DNMBP: variants seen among roughly 807,000 people sequenced by gnomAD.
DNMBP encodes dynamin binding protein.
Under a neutral mutation model 150.0 loss-of-function variants are expected in DNMBP, and 87 were observed. That is an observed-to-expected ratio of 0.58 (90% confidence interval 0.49 to 0.69). The LOEUF is 0.69. Ranked by LOEUF, DNMBP falls within the 30% of genes least tolerant of loss-of-function variation. DNMBP has a pLI of 0.00. For missense variants in DNMBP, 1,774 were observed against 1,949.0 expected (o/e 0.91, Z 1.69); for synonymous variants, 711 against 750.4 (o/e 0.95, Z 0.86).
chr10:99,975,715 T>G (rs2040720990), intron 1 of DNMBP, among the ~76,000 whole-genome samples: 1 of 152,248 alleles, frequency 6.6e-6, no homozygotes, highest in Non-Finnish European at 1.5e-5. Flanking sequence ...ACTAGGCTTC[T>G]GTAGTCAGAG....
At chr10:99,939,276 G>C (rs954303575) in intron 4 of DNMBP, among the ~76,000 whole-genome samples, 3 of 152,158 alleles carry the variant, frequency 2.0e-5, no homozygotes, top group Non-Finnish European at 4.4e-5. Flanking sequence ...CTATTTTCCA[G>C]AGAACCTTGC....
chr10:100,004,557 T>A (rs1325632203), intron 1 of DNMBP, among the ~76,000 whole-genome samples: 3 of 152,138 alleles, frequency 2.0e-5, no homozygotes, highest in Non-Finnish European at 4.4e-5. Context: ...GAGGAAAGCA[T>A]GGATTTTGTT....
In DNMBP at chr10:99,955,423, C is replaced by T. The variant is rs1296649475; in HGVS notation, c.2051G>A (p.Ser684Asn). 6.2e-7 allele frequency: 1 copy of T among 1,613,952 alleles called. No individual in the cohort carries two copies. Reference protein sequence around the residue: ...EKEGPGHMGRSLDQTSPCPLV... With the variant: ...EKEGPGHMGRNLDQTSPCPLV... Reference sequence around the variant, plus strand: ...GGGGCATGGGGAGGTCTGGTCCAGACTCCTTCCCATATGACCAGGGCCCTC... The same window carrying T: ...GGGGCATGGGGAGGTCTGGTCCAGATTCCTTCCCATATGACCAGGGCCCTC... Residue 684 changes from serine (S) to asparagine (N), a missense_variant, in exon 4 of 17, where the codon AGT becomes AAT. This residue lies in a region of DNMBP where 1,430 missense variants were observed against 1,492.5 expected (regional missense o/e 0.96). Coordinates refer to ENST00000324109, the MANE Select transcript of DNMBP (RefSeq NM_015221.4).
Position 99,955,636 on chromosome 10 carries a change from G to C in DNMBP, c.1838C>G (p.Pro613Arg), listed in dbSNP as rs527427712. The change falls in exon 4 of 17, where the codon CCT becomes CGT. Residue 613 changes from proline (P) to arginine (R), a missense_variant. This residue lies in a region of DNMBP where 1,430 missense variants were observed against 1,492.5 expected (regional missense o/e 0.96). Coordinates refer to ENST00000324109, the MANE Select transcript of DNMBP (RefSeq NM_015221.4). ...ERRKALRPPP[P>R]RPCTPVSTSP... is the part of the protein sequence containing the mutation. Reference sequence around the variant, plus strand: ...AGTGGATACCGGAGTACAGGGACGAGGTGGCGGTGGCCTTAGGGCCTTTCT... The same window carrying C: ...AGTGGATACCGGAGTACAGGGACGACGTGGCGGTGGCCTTAGGGCCTTTCT... The C allele has an allele frequency of 6.2e-6, 10 of 1,614,094 alleles. No individual in the cohort carries two copies. Among genetic ancestry groups the C allele is most frequent in the Non-Finnish European group, 7.6e-6 (9 of 1,180,042 alleles).
At chr10:99,923,331 C>T (rs1025129370) in intron 4 of DNMBP, among the ~76,000 whole-genome samples, 3 of 151,808 alleles carry the variant, frequency 2.0e-5, no homozygotes, top group Admixed American at 2.0e-4. Flanking sequence ...GGCTGCAGTG[C>T]GCTGAGATCA....
intron 11 of DNMBP, among the ~76,000 whole-genome samples, chr10:99,892,139 G>A (rs1425735752): frequency 7.2e-6 from 1 of 139,314 alleles, no homozygotes; most frequent in South Asian, 2.3e-4. Flanking sequence ...GAGCCCCTCT[G>A]CCCGGCCAGC....
intron 3 of DNMBP, among the ~76,000 whole-genome samples, chr10:99,960,574 G>A (rs543300011): frequency 2.3e-4 from 35 of 152,284 alleles, no homozygotes; most frequent in African/African-American, 7.9e-4. Flanking sequence ...GGGAGGCCGA[G>A]GTGCGCAGGA....
intron 16 of DNMBP, among the ~76,000 whole-genome samples, chr10:99,878,841 T>C (rs1247183647): frequency 1.3e-5 from 2 of 152,084 alleles, no homozygotes; most frequent in Non-Finnish European, 2.9e-5. Context: ...TAGTTCAAGA[T>C]ATGGCCAGCT....
Position 100,001,410 on chromosome 10 carries a change from GT to G in DNMBP, c.-11+8427del, listed in dbSNP as rs1346291816. ...ACAATTGTGATGGGGTTTTGTTGTT[GT>G]TGTTTTTTTTTTTTTTTTGAGACAG... is the stretch of plus-strand genomic sequence containing the variant. On this transcript the variant is annotated intron_variant, in intron 1 of 16. Coordinates refer to ENST00000324109, the MANE Select transcript of DNMBP (RefSeq NM_015221.4). 7.6e-3 allele frequency among the ~76,000 whole-genome samples: 733 copies of G among 96,344 alleles called. 13 individuals are homozygous for G. Among genetic ancestry groups the G allele is most frequent in the African/African-American group, 0.027 (702 of 25,538 alleles). 63.2% of individuals were successfully genotyped at this position (96,344 alleles called of 152,430 possible).
Position 99,956,188 on chromosome 10 carries a change from T to C in DNMBP, c.1286A>G (p.Tyr429Cys). The C allele has an allele frequency of 2.5e-6, 4 of 1,614,094 alleles. No homozygotes were observed. The highest frequency in any genetic ancestry group is 3.4e-6 in the Non-Finnish European group (4 of 1,180,026). The change falls in exon 4 of 17, where the codon TAT becomes TGT. Residue 429 changes from tyrosine (Y) to cysteine (C), a missense_variant. By Grantham distance (194) the Tyr-to-Cys change is radical. Transcript: ENST00000324109. ...GTGGCTCCCTCCCACTGTAGAATAA[T>C]ACTGGCTTTTCTGCAAGTTGGGATG... ...PFHPNLQKSQYYSTVGGSHPH... is the reference protein window; with the variant it reads ...PFHPNLQKSQCYSTVGGSHPH...
chr10:99,908,000 G>T lies in DNMBP; in HGVS notation c.2549C>A (p.Ala850Asp). ...QLLAALEISD[A>D]VGPVFLGHRD... The stretch of plus-strand genomic sequence containing the variant: ...AACAACACAGGAGCTCATACCTACA[G>T]CATCGCTGATTTCCAGAGCAGCCAA... Residue 850 changes from alanine (A) to aspartate (D), a missense_variant, in exon 6 of 17, where the codon GCT becomes GAT. Around this residue, in one of 2 missense-constraint regions of DNMBP, gnomAD observed 1,430 missense variants for 1,492.5 expected, o/e 0.96. Coordinates refer to ENST00000324109, the MANE Select transcript of DNMBP (RefSeq NM_015221.4). The T allele has an allele frequency of 6.2e-7, 1 of 1,613,054 alleles. No individual in the cohort carries two copies. Among genetic ancestry groups the T allele is most frequent in the Non-Finnish European group, 8.5e-7 (1 of 1,179,120 alleles).
chr10:100,006,011 C>T (rs1306424745), intron 1 of DNMBP, among the ~76,000 whole-genome samples: 7 of 152,124 alleles, frequency 4.6e-5, no homozygotes, highest in East Asian at 1.9e-4. Context: ...TTATGACCTA[C>T]GATAAACACA....
intron 4 of DNMBP, among the ~76,000 whole-genome samples, chr10:99,936,280 C>A (rs920091833): frequency 2.6e-5 from 4 of 152,132 alleles, no homozygotes; most frequent in Non-Finnish European, 5.9e-5. Context: ...ACCTCAACTT[C>A]TTCTACAATA....
intron 3 of DNMBP, 27 bp from the exon 4 acceptor site, chr10:99,957,232 G>T: frequency 6.3e-7 from 1 of 1,583,026 alleles, no homozygotes; most frequent in South Asian, 1.1e-5. Context: ...CAGAGATGGT[G>T]ACCTCAGTCA....
chr10:99,929,569 C>T (rs994347299), intron 4 of DNMBP: 1 of 622,930 alleles, frequency 1.6e-6, no homozygotes, highest in African/African-American at 1.8e-5. Context: ...TTAAATCTAT[C>T]TTTATGCTTT....
chr10:99,883,802 T>C (rs1050089024), intron 15 of DNMBP, among the ~76,000 whole-genome samples: 1 of 152,086 alleles, frequency 6.6e-6, no homozygotes, highest in African/African-American at 2.4e-5. Context: ...CAACGGTGTC[T>C]CCTCTGGAAT....
At chr10:99,975,954 A>T (rs1180911188) in intron 1 of DNMBP, among the ~76,000 whole-genome samples, 1 of 152,180 alleles carries the variant, frequency 6.6e-6, no homozygotes, top group East Asian at 1.9e-4. Flanking sequence ...GGACCCTATC[A>T]TATGTTATTG....
chr10:99,883,442 C>G (rs969390362), intron 15 of DNMBP, among the ~76,000 whole-genome samples: 1 of 151,486 alleles, frequency 6.6e-6, no homozygotes, highest in South Asian at 2.1e-4. Context: ...GGCAGGAGGA[C>G]GGCTTGAGCC....
chr10:99,890,392 T>C (rs1215040005), intron 11 of DNMBP, among the ~76,000 whole-genome samples: 2 of 152,234 alleles, frequency 1.3e-5, no homozygotes, highest in African/African-American at 4.8e-5. Context: ...TTTCTCTCAA[T>C]TTCTGTCAGC....
Sources: allele counts gnomAD v4.1 joint callset (sites outside exome capture counted in the v4.1 genomes callset), GRCh38; gene constraint gnomAD v4.1.1; regional missense constraint gnomAD v4.1.1; transcripts MANE v1.5; gene names NCBI Gene and HGNC (gene_info 2026-07-23, HGNC 2026-07-21).